Variants in TECTA observed in about 807,000 individuals in gnomAD.
TECTA encodes the protein alpha-tectorin.
A neutral mutation model predicts 216.8 loss-of-function variants in TECTA; 128 were observed. That is an observed-to-expected ratio of 0.59 (90% CI 0.51 to 0.68). The LOEUF is 0.68. TECTA is among the 30% of genes least tolerant of loss of function. The pLI is 0.00. For synonymous variants in TECTA, 1,089 were observed against 1,117.1 expected, an observed-to-expected ratio of 0.97 and a Z score of 0.50; for missense variants, 2,551 against 2,786.2, an observed-to-expected ratio of 0.92 and a Z score of 1.90.
chr11:121,131,247 T>C (rs1182938246), intron 10 of TECTA, among the ~76,000 whole-genome samples: 1 of 147,538 alleles, frequency 6.8e-6, no homozygotes, highest in East Asian at 2.0e-4. Context: ...GATTCATCCC[T>C]GACGGCTATT....
chr11:121,151,361 TGCA>T (rs1433710571), intron 12 of TECTA, among the ~76,000 whole-genome samples: 7 of 152,238 alleles, frequency 4.6e-5, no homozygotes, highest in African/African-American at 1.4e-4. Context: ...GGATGTTCAC[TGCA>T]GCATCAGCAT....
At chr11:121,170,437 T>G (rs11218175) in intron 20 of TECTA, among the ~76,000 whole-genome samples, 22,518 of 146,462 alleles carry the variant, frequency 0.15, 2,039 homozygotes, top group South Asian at 0.33. Flanking sequence ...TGTTTTGTTT[T>G]GTTTGGTTTT....
intron 20 of TECTA, among the ~76,000 whole-genome samples, chr11:121,183,556 T>TCA (rs1840818673): frequency 6.6e-6 from 1 of 152,086 alleles, no homozygotes; most frequent in Admixed American, 6.5e-5. Flanking sequence ...CCCTTTATTT[T>TCA]CATGCCTCGG....
At chr11:121,151,911 G>A (rs966643222) in intron 12 of TECTA, among the ~76,000 whole-genome samples, 4 of 152,170 alleles carry the variant, frequency 2.6e-5, no homozygotes, top group Non-Finnish European at 4.4e-5. Flanking sequence ...TAGCTTCTAC[G>A]AAACTTTTTA....
At chr11:121,111,089 G>A (rs1565517337) in intron 4 of TECTA, among the ~76,000 whole-genome samples, 1 of 152,136 alleles carries the variant, frequency 6.6e-6, no homozygotes, top group Non-Finnish European at 1.5e-5. Context: ...ATTCTCATGC[G>A]ACGCCAACAG....
At chr11:121,190,513 T>C (rs537240467) in intron 23 of TECTA, among the ~76,000 whole-genome samples, 193 bp from the exon 24 acceptor site, 38 of 152,344 alleles carry the variant, frequency 2.5e-4, no homozygotes, top group African/African-American at 8.4e-4. Flanking sequence ...TCCGCCTGTG[T>C]TGGCCTCCCA....
intron 8 of TECTA, among the ~76,000 whole-genome samples, chr11:121,126,113 A>C (rs1047665427): frequency 5.3e-5 from 8 of 152,230 alleles, no homozygotes; most frequent in Non-Finnish European, 1.2e-4. Context: ...CATGAAAGGC[A>C]TGGCAGGAAG....
At chr11:121,169,109 C>T (rs1947086268) in intron 20 of TECTA, among the ~76,000 whole-genome samples, 184 bp downstream of exon 20, 2 of 152,208 alleles carry the variant, frequency 1.3e-5, no homozygotes, top group Non-Finnish European at 2.9e-5. Flanking sequence ...CCTCATTTTA[C>T]AGACAATCAA....
chr11:121,189,903 G>A (rs1169195141), intron 23 of TECTA, 23 bp downstream of exon 23: 2 of 1,597,304 alleles, frequency 1.3e-6, no homozygotes, highest in African/African-American at 1.3e-5. Context: ...CTACCCTGGG[G>A]CAGGCAGCTG....
intron 3 of TECTA, among the ~76,000 whole-genome samples, chr11:121,108,345 C>T (rs1565516311): frequency 6.6e-6 from 1 of 151,020 alleles, no homozygotes; most frequent in Admixed American, 6.6e-5. Context: ...CATACACACA[C>T]ACCACCCTCA....
chr11:121,154,190 G>A lies in TECTA; in HGVS notation c.4305+1110G>A, dbSNP rs114166491. ...ATTGAAATGTCTGAATTGGAAATCA[G>A]CTAGGCGAAAAATAAATAATATCTC... On this transcript the variant is annotated intron_variant, in intron 13 of 23. Coordinates refer to ENST00000392793, the MANE Select transcript of TECTA (RefSeq NM_005422.4). Among the ~76,000 whole-genome samples, 891 of 152,302 alleles carry A rather than the reference G, an allele frequency of 5.9e-3. 10 individuals are homozygous for A. Among genetic ancestry groups the A allele is most frequent in the African/African-American group, 0.02 (843 of 41,560 alleles).
chr11:121,117,582 C>T (rs1946512904), intron 6 of TECTA, among the ~76,000 whole-genome samples: 3 of 152,220 alleles, frequency 2.0e-5, no homozygotes, highest in Admixed American at 2.0e-4. Context: ...TTTCCTCATT[C>T]TCTTCCTGAC....
At chr11:121,146,992 C>G (rs1005785195) in intron 12 of TECTA, among the ~76,000 whole-genome samples, 16 of 152,100 alleles carry the variant, frequency 1.1e-4, no homozygotes, top group African/African-American at 3.9e-4. Context: ...AACCCAAAGC[C>G]CAGGCTCCCA....
At chr11:121,165,902 G>T (rs1947048812) in intron 17 of TECTA, among the ~76,000 whole-genome samples, 1 of 152,172 alleles carries the variant, frequency 6.6e-6, no homozygotes, top group South Asian at 2.1e-4. Context: ...GAACTGCTTT[G>T]CCTTCCATCT....
chr11:121,177,129 T>C (rs1373207980), intron 20 of TECTA, among the ~76,000 whole-genome samples: 1 of 152,234 alleles, frequency 6.6e-6, no homozygotes, highest in Non-Finnish European at 1.5e-5. Context: ...AATTTCCTCC[T>C]GTAGCTCGGA....
At chr11:121,142,115 A>G (rs1308299338) in intron 11 of TECTA, among the ~76,000 whole-genome samples, 4 of 152,190 alleles carry the variant, frequency 2.6e-5, no homozygotes, top group Non-Finnish European at 5.9e-5. Flanking sequence ...GAGGGATGCA[A>G]GGAGACTTTG....
chr11:121,129,859 C>G lies in TECTA; in HGVS notation c.2589C>G (p.Pro863=). The G allele has an allele frequency of 6.2e-7, 1 of 1,614,256 alleles. No individual in the cohort carries two copies. The highest frequency in any genetic ancestry group is 8.5e-7 in the Non-Finnish European group (1 of 1,180,050). ...NANASDEFCL[P]NGKCTDNLAV... is the part of the protein sequence containing the mutation. ...ACGCCAGTGACGAGTTCTGTCTCCC[C>G]AACGGCAAGTGCACGGACAACCTGG... Residue 863 remains proline (P), a synonymous_variant, in exon 10 of 24, where the codon CCC becomes CCG. Coordinates refer to ENST00000392793, the MANE Select transcript of TECTA (RefSeq NM_005422.4).
chr11:121,127,656 G>T lies in TECTA; in HGVS notation c.1775-96G>T. On this transcript the variant is annotated intron_variant, in intron 8 of 23. Transcript: ENST00000392793. The surrounding 1 kb of genome is among the most constrained non-coding windows in gnomAD (Gnocchi z 5.0). ...AGTGGCCGCTTGACCCTCACTCTAGGAACTAAATGATCCAGGAGGAGCGTT... is the reference window on the plus strand; with the variant it reads ...AGTGGCCGCTTGACCCTCACTCTAGTAACTAAATGATCCAGGAGGAGCGTT... The T allele has an allele frequency of 7.0e-7, 1 of 1,437,500 alleles. No homozygotes were observed. The allele number at this position is 1,437,500 out of a possible 1,614,324, so 89.0% of individuals were successfully genotyped here. A position where few individuals can be genotyped will look rare whatever the true frequency, so the allele number is the denominator to read the frequency against.
chr11:121,166,820 C>T lies in TECTA; in HGVS notation c.5586+40C>T, dbSNP rs2186747. The T allele has an allele frequency of 4.2e-5, 68 of 1,607,890 alleles. No individual in the cohort carries two copies. The African/African-American group carries it at 8.3e-4, about 20-fold the overall frequency. ...AGGAAAGAGCACCTGGCAGAGGCAG[C>T]GACAGCTTCGAGTGTTTGCACATTT... is the stretch of plus-strand genomic sequence containing the variant. On this transcript the variant is annotated intron_variant, in intron 18 of 23. Transcript: ENST00000392793.
Sources: gnomAD v4.1 joint callset for allele counts (sites outside exome capture counted in the v4.1 genomes callset) on GRCh38, gnomAD v4.1.1 for gene constraint, Gnocchi (gnomAD v3.1) non-coding constraint, MANE v1.5 for transcripts, NCBI Gene and HGNC (gene_info 2026-07-23, HGNC 2026-07-21) for gene names.